Variants in GRAMD1B observed in about 807,000 individuals in gnomAD.
GRAMD1B encodes protein Aster-B.
In GRAMD1B, 37 loss-of-function variants were observed where a neutral mutation model predicts 99.7. The ratio of observed to expected loss-of-function variants is 0.37; its 90% CI spans 0.29 to 0.49. The LOEUF (loss-of-function observed/expected upper bound fraction) is 0.49, where lower values mean the gene tolerates loss of function less well. Ranked by LOEUF, GRAMD1B falls within the 20% of genes least tolerant of loss-of-function variation. The pLI, the probability that GRAMD1B is intolerant of heterozygous loss-of-function variation, is 0.98. For missense variants in GRAMD1B, 888 were observed against 1,009.2 expected, an observed-to-expected ratio of 0.88 and a Z score of 1.63; for synonymous variants, 427 against 387.6, an observed-to-expected ratio of 1.10 and a Z score of -1.19.
intron 2 of GRAMD1B, among the ~76,000 whole-genome samples, chr11:123,496,564 T>C (rs1939300152): frequency 2.0e-5 from 3 of 151,818 alleles, no homozygotes; most frequent in African/African-American, 2.4e-5. Flanking sequence ...TATCTCTTTC[T>C]GTAAGGCCAA....
At chr11:123,444,894 C>G (rs1178397837) in intron 1 of GRAMD1B, among the ~76,000 whole-genome samples, 2 of 152,156 alleles carry the variant, frequency 1.3e-5, no homozygotes, top group Admixed American at 1.3e-4. Context: ...TTCTAATCCT[C>G]TAGTCACTTG....
chr11:123,430,431 C>G lies in GRAMD1B; in HGVS notation c.-362C>G. ...CCTGGGGCCCCTGGCTGCCGAGTCCCGCTAAGGCAAAGACGCCAGCAAGCG... is the reference window on the plus strand; with the variant it reads ...CCTGGGGCCCCTGGCTGCCGAGTCCGGCTAAGGCAAAGACGCCAGCAAGCG... On this transcript the variant is annotated 5_prime_UTR_variant, in exon 1 of 20. Transcript: ENST00000635736. 3.8e-6 allele frequency: 1 copy of G among 260,540 alleles called. No individual in the cohort carries two copies. Among genetic ancestry groups the G allele is most frequent in the Non-Finnish European group, 7.2e-6 (1 of 138,392 alleles). The allele number at this position is 260,540 out of a possible 1,614,324, so 16.1% of individuals were successfully genotyped here.
intron 1 of GRAMD1B, among the ~76,000 whole-genome samples, chr11:123,461,035 T>C (rs1407247893): frequency 6.6e-6 from 1 of 152,198 alleles, no homozygotes; most frequent in Non-Finnish European, 1.5e-5. Context: ...AGGTTTGGCT[T>C]GTGTTGACTA....
intron 1 of GRAMD1B, among the ~76,000 whole-genome samples, chr11:123,461,369 C>T (rs58298249): frequency 0.015 from 2,234 of 152,250 alleles, 52 homozygotes; most frequent in African/African-American, 0.051. Context: ...TGCAGCTGGC[C>T]GAGCCCTTGT....
intron 2 of GRAMD1B, among the ~76,000 whole-genome samples, chr11:123,520,796 A>G (rs564328609): frequency 2.7e-4 from 40 of 150,466 alleles, no homozygotes; most frequent in African/African-American, 9.2e-4. Flanking sequence ...AAAAAAAAGA[A>G]AGAAAGAAAA....
At chr11:123,370,598 C>T (rs1044998200) in intron 1 of GRAMD1B, among the ~76,000 whole-genome samples, 4 of 152,064 alleles carry the variant, frequency 2.6e-5, no homozygotes, top group South Asian at 2.1e-4. Context: ...CCTCAGCCTC[C>T]GAAAGTGCTG....
chr11:123,444,693 A>AG (rs1393317543), intron 1 of GRAMD1B, among the ~76,000 whole-genome samples: 1 of 152,040 alleles, frequency 6.6e-6, no homozygotes, highest in Non-Finnish European at 1.5e-5. Flanking sequence ...AAGGTATTGC[A>AG]GGGGGTTAGA....
At position 123,591,359 on chromosome 11, in the gene GRAMD1B, G is replaced by T. The variant is rs758299275; in HGVS notation, c.685-2723G>T. 2.5e-6 allele frequency: 1 copy of T among 398,982 alleles called. No homozygotes were observed. Among genetic ancestry groups the T allele is most frequent in the African/African-American group, 2.1e-5 (1 of 48,642 alleles). The allele number at this position is 398,982 out of a possible 1,614,324, so 24.7% of individuals were successfully genotyped here. On this transcript the variant is annotated intron_variant, in intron 4 of 19. Transcript: ENST00000635736. The surrounding 1 kb of genome is among the most constrained non-coding windows in gnomAD (Gnocchi z 4.7). ...ACAGTCGGGAGTCAGTGCTCAGGGA[G>T]CCAGGCGTCGTTGGGAGGGGCAGCC...
chr11:123,581,958 T>G (rs994856465), intron 3 of GRAMD1B, among the ~76,000 whole-genome samples: 1 of 152,236 alleles, frequency 6.6e-6, no homozygotes, highest in African/African-American at 2.4e-5. Flanking sequence ...GGTCCCCCTG[T>G]CAGCCCATGT....
chr11:123,379,841 G>A (rs945999989), intron 1 of GRAMD1B, among the ~76,000 whole-genome samples: 3 of 152,084 alleles, frequency 2.0e-5, no homozygotes, highest in African/African-American at 7.2e-5. Flanking sequence ...CCATCTCCTC[G>A]TCAGCACTTG....
chr11:123,617,326 G>A (rs577312206), intron 17 of GRAMD1B, among the ~76,000 whole-genome samples: 2 of 151,990 alleles, frequency 1.3e-5, no homozygotes, highest in African/African-American at 4.8e-5. Context: ...TGGGACCACA[G>A]GTGCATGTCA....
chr11:123,537,794 A>G (rs918876925), intron 2 of GRAMD1B, among the ~76,000 whole-genome samples: 1 of 152,246 alleles, frequency 6.6e-6, no homozygotes, highest in Non-Finnish European at 1.5e-5. Context: ...CAGCAATGAT[A>G]GTTCTCCTTT....
intron 1 of GRAMD1B, among the ~76,000 whole-genome samples, chr11:123,431,445 T>C (rs1335562398): frequency 6.6e-6 from 1 of 152,212 alleles, no homozygotes; most frequent in Non-Finnish European, 1.5e-5. Flanking sequence ...CGCAGCGAAA[T>C]AAATAATAAA....
At position 123,619,136 on chromosome 11, in the gene GRAMD1B, A is replaced by G; in HGVS notation, c.2456A>G (p.Gln819Arg). 3 of 1,565,880 alleles carry G rather than the reference A, an allele frequency of 1.9e-6. No individual in the cohort carries two copies. Among genetic ancestry groups the G allele is most frequent in the Non-Finnish European group, 2.6e-6 (3 of 1,154,826 alleles). Reference sequence around the variant, plus strand: ...CCCCAGTCTCAGACAGAATGGGCCCAGCTCTTAGAGTCCCAACAAAAGTAC... The same window carrying G: ...CCCCAGTCTCAGACAGAATGGGCCCGGCTCTTAGAGTCCCAACAAAAGTAC... Reference protein sequence around the residue: ...RLPQSQTEWAQLLESQQKYHD... With the variant: ...RLPQSQTEWARLLESQQKYHD... Residue 819 changes from glutamine (Q) to arginine (R), a missense_variant, in exon 19 of 20, where the codon CAG (glutamine) becomes CGG (arginine). Around this residue, in one of 5 missense-constraint regions of GRAMD1B, gnomAD observed 232 missense variants for 261.7 expected, o/e 0.89. Transcript: ENST00000635736.
At chr11:123,370,231 G>T (rs1376514695) in intron 1 of GRAMD1B, among the ~76,000 whole-genome samples, 3 of 150,718 alleles carry the variant, frequency 2.0e-5, no homozygotes, top group African/African-American at 7.3e-5. Context: ...TGGGAGAATC[G>T]CTTGAACCCA....
intron 2 of GRAMD1B, among the ~76,000 whole-genome samples, chr11:123,569,242 AAGGAGCTGAGACC>A (rs1400163266): frequency 6.6e-6 from 1 of 152,128 alleles, no homozygotes; most frequent in African/African-American, 2.4e-5. Context: ...TCATGAGTAA[AAGGAGCTGAGACC>A]AGGAACTTCA....
intron 2 of GRAMD1B, among the ~76,000 whole-genome samples, chr11:123,555,539 G>A (rs1946097834): frequency 6.6e-6 from 1 of 151,878 alleles, no homozygotes; most frequent in Admixed American, 6.6e-5. Context: ...CAGTAGAGAT[G>A]GGGTTTCACC....
chr11:123,407,978 T>C (rs1947912366), intron 1 of GRAMD1B, among the ~76,000 whole-genome samples: 1 of 152,270 alleles, frequency 6.6e-6, no homozygotes, highest in East Asian at 1.9e-4. Context: ...TATGATGAGG[T>C]GAAGCCTCTG....
rs538578818 is a variant in GRAMD1B at position 123,488,486 on chromosome 11, G to C, written c.452+7593G>C. Among the ~76,000 whole-genome samples the C allele has an allele frequency of 2.0e-5, 3 of 152,316 alleles. No homozygotes were observed. The South Asian group carries it at 6.2e-4, about 32-fold the overall frequency. ...CTGCTGTCTGCTAGGCACCACGTAA[G>C]GGATTCCAAGATGAAGACATGGTCC... is the stretch of plus-strand genomic sequence containing the variant. On this transcript the variant is annotated intron_variant, in intron 2 of 19. Coordinates refer to ENST00000635736, the MANE Select transcript of GRAMD1B (RefSeq NM_001387025.1).
Sources: allele counts gnomAD v4.1 joint callset (sites outside exome capture counted in the v4.1 genomes callset), GRCh38; gene constraint gnomAD v4.1.1; regional missense constraint gnomAD v4.1.1; non-coding constraint Gnocchi (gnomAD v3.1); transcripts MANE v1.5; gene names NCBI Gene and HGNC (gene_info 2026-07-23, HGNC 2026-07-21).